SPOCK1: variants seen among roughly 807,000 people sequenced by gnomAD.
SPOCK1 encodes SPARC (osteonectin), cwcv and kazal like domains proteoglycan 1.
A neutral mutation model predicts 55.3 loss-of-function variants in SPOCK1; 23 were observed. The ratio of observed to expected loss-of-function variants is 0.42; its 90% confidence interval spans 0.30 to 0.59. The LOEUF is 0.59. Ranked by LOEUF, SPOCK1 falls within the 20% of genes least tolerant of loss-of-function variation. SPOCK1 has a pLI of 0.22. For synonymous variants in SPOCK1, 226 were observed against 221.0 expected, an observed-to-expected ratio of 1.02 and a Z score of -0.20; for missense variants, 499 against 552.5, an observed-to-expected ratio of 0.90 and a Z score of 0.97.
chr5:137,495,285 C>CA (rs1754275251), intron 2 of SPOCK1, among the ~76,000 whole-genome samples: 1 of 152,184 alleles, frequency 6.6e-6, no homozygotes, highest in South Asian at 2.1e-4. Context: ...GTTGCCAGGT[C>CA]ACCTCTGGCA....
chr5:137,016,842 T>A (rs143814688), intron 6 of SPOCK1, among the ~76,000 whole-genome samples: 2 of 152,342 alleles, frequency 1.3e-5, no homozygotes, highest in East Asian at 3.9e-4. Flanking sequence ...ACGTTCACAA[T>A]GCTGTGAGAT....
At chr5:137,284,171 G>C (rs187208790) in intron 2 of SPOCK1, among the ~76,000 whole-genome samples, 1 of 152,310 alleles carries the variant, frequency 6.6e-6, no homozygotes, top group East Asian at 1.9e-4. Flanking sequence ...GGAAACACAA[G>C]AGCCAGCAGT....
At chr5:137,140,500 C>A in intron 4 of SPOCK1, 80 bp downstream of exon 4, 1 of 1,198,484 alleles carries the variant, frequency 8.3e-7, no homozygotes, top group Non-Finnish European at 1.2e-6. Flanking sequence ...CCCATATCCC[C>A]ACGTCAAAGA....
At chr5:137,238,146 A>G (rs576374707) in intron 3 of SPOCK1, among the ~76,000 whole-genome samples, 117 of 152,240 alleles carry the variant, frequency 7.7e-4, no homozygotes, top group Non-Finnish European at 1.5e-3. Context: ...ATTAAAATGA[A>G]CTAATATATG....
At chr5:137,220,327 C>T (rs1156865) in intron 3 of SPOCK1, among the ~76,000 whole-genome samples, 59,934 of 152,098 alleles carry the variant, frequency 0.39, 12,892 homozygotes, top group Non-Finnish European at 0.47. Context: ...AATCCTTTCA[C>T]TTGAGTCGCC....
At chr5:137,311,582 TCCGC>T in intron 2 of SPOCK1, among the ~76,000 whole-genome samples, 3 of 152,246 alleles carry the variant, frequency 2.0e-5, no homozygotes, top group African/African-American at 7.2e-5. Context: ...AACTATCTAC[TCCGC>T]TCTTTTCCTT....
chr5:137,299,034 T>C (rs1757540042), intron 2 of SPOCK1, among the ~76,000 whole-genome samples: 1 of 152,180 alleles, frequency 6.6e-6, no homozygotes, highest in African/African-American at 2.4e-5. Context: ...ATTTGTTTTC[T>C]ATTTGTTCCA....
intron 2 of SPOCK1, among the ~76,000 whole-genome samples, chr5:137,491,615 G>A (rs1432815589): frequency 6.6e-6 from 1 of 152,166 alleles, no homozygotes; most frequent in African/African-American, 2.4e-5. Flanking sequence ...AAAGGGGTGA[G>A]GTCCTGGCTT....
intron 2 of SPOCK1, among the ~76,000 whole-genome samples, chr5:137,382,411 C>A (rs1484613438): frequency 6.6e-6 from 1 of 152,182 alleles, no homozygotes; most frequent in Non-Finnish European, 1.5e-5. Flanking sequence ...TAGCAGTGCC[C>A]CACTCTCCTG....
At chr5:137,229,740 G>A (rs915244410) in intron 3 of SPOCK1, among the ~76,000 whole-genome samples, 2 of 152,100 alleles carry the variant, frequency 1.3e-5, no homozygotes, top group Non-Finnish European at 2.9e-5. Flanking sequence ...GGGGAAGGGG[G>A]TGCACAGAGA....
intron 2 of SPOCK1, among the ~76,000 whole-genome samples, chr5:137,443,146 C>G (rs1324736436): frequency 6.6e-6 from 1 of 152,036 alleles, no homozygotes; most frequent in Non-Finnish European, 1.5e-5. Flanking sequence ...GACAGCTAAA[C>G]TTGGACATGT....
intron 2 of SPOCK1, among the ~76,000 whole-genome samples, chr5:137,289,056 A>G (rs969363631): frequency 4.6e-5 from 7 of 152,236 alleles, no homozygotes; most frequent in Admixed American, 1.3e-4. Context: ...GGCTTCAACA[A>G]GATTATTGAC....
At chr5:137,074,442 G>A (rs923682110) in intron 5 of SPOCK1, among the ~76,000 whole-genome samples, 2 of 152,128 alleles carry the variant, frequency 1.3e-5, no homozygotes, top group African/African-American at 4.8e-5. Context: ...ACTAGTTCAG[G>A]GGAAAGTACG....
chr5:137,118,080 A>G (rs1753621858), intron 4 of SPOCK1, among the ~76,000 whole-genome samples: 1 of 152,234 alleles, frequency 6.6e-6, no homozygotes, highest in Non-Finnish European at 1.5e-5. Context: ...ATTGGGTAGT[A>G]CTCAATTAAC....
chr5:137,051,717 C>T (rs1355733355), intron 6 of SPOCK1, among the ~76,000 whole-genome samples: 1 of 152,080 alleles, frequency 6.6e-6, no homozygotes, highest in African/African-American at 2.4e-5. Context: ...GAAAAAAAAT[C>T]AGCATCCTAA....
At chr5:137,314,042 G>T (rs1383357636) in intron 2 of SPOCK1, among the ~76,000 whole-genome samples, 1 of 151,320 alleles carries the variant, frequency 6.6e-6, no homozygotes, top group African/African-American at 2.4e-5. Flanking sequence ...CTTGTCTCTA[G>T]ATCATCTCAA....
At position 137,488,812 on chromosome 5, in the gene SPOCK1, G is replaced by T. The variant is rs1754115357; in HGVS notation, c.186+9561C>A. Among the ~76,000 whole-genome samples, 10 of 152,226 alleles carry T rather than the reference G, an allele frequency of 6.6e-5. No individual in the cohort carries two copies. In the South Asian group the frequency reaches 2.1e-3, roughly 32 times the overall value. ...GCCTGCTCACCTACCACATAATTCT[G>T]CTGGGGAATGTTGACGGTGCCCTCT... is the stretch of plus-strand genomic sequence containing the variant. On this transcript the variant is annotated intron_variant, in intron 2 of 10. Transcript: ENST00000394945.
intron 2 of SPOCK1, among the ~76,000 whole-genome samples, chr5:137,342,832 CT>C (rs1381090709): frequency 2.0e-5 from 3 of 152,184 alleles, no homozygotes; most frequent in Non-Finnish European, 4.4e-5. Context: ...GTTCGGTGCC[CT>C]TTTTGTTCCT....
At chr5:137,186,664 GACTTCCAGTC>G (rs1386071874) in intron 3 of SPOCK1, among the ~76,000 whole-genome samples, 2 of 152,226 alleles carry the variant, frequency 1.3e-5, no homozygotes, top group African/African-American at 4.8e-5. Context: ...GTGGAGCCAA[GACTTCCAGTC>G]TGTGAGCCAG....
Sources: allele counts gnomAD v4.1 joint callset (sites outside exome capture counted in the v4.1 genomes callset), GRCh38; gene constraint gnomAD v4.1.1; transcripts MANE v1.5; gene names NCBI Gene and HGNC (gene_info 2026-07-23, HGNC 2026-07-21).